TUSC3: variants seen among roughly 807,000 people sequenced by gnomAD.
TUSC3 encodes the protein tumor suppressor candidate 3.
TUSC3 carries 45 observed loss-of-function variants against 44.8 expected under a neutral mutation model. That is an observed-to-expected ratio of 1.00 (90% CI 0.79 to 1.29). The LOEUF (loss-of-function observed/expected upper bound fraction) is 1.29. Among genes scored for constraint, TUSC3 ranks in the 50% most tolerant of loss-of-function variants. The probability of loss-of-function intolerance (pLI) is 0.00; values close to 1 mark genes in which losing one functional copy is unlikely to be tolerated. For synonymous variants in TUSC3, 212 were observed against 152.9 expected, an observed-to-expected ratio of 1.39 and a Z score of -2.85; for missense variants, 519 against 437.9, an observed-to-expected ratio of 1.19 and a Z score of -1.65.
intron 1 of TUSC3, among the ~76,000 whole-genome samples, chr8:15,425,758 A>G (rs537904871): frequency 1.1e-4 from 16 of 152,346 alleles, no homozygotes; most frequent in African/African-American, 3.8e-4. Context: ...TGCACTAGTT[A>G]ACCATCCCTG....
In TUSC3 at chr8:15,726,043, A is replaced by G. The variant is rs1207935163; in HGVS notation, c.799-4623A>G. On this transcript the variant is annotated intron_variant, in intron 6 of 10. Transcript: ENST00000503731. The stretch of plus-strand genomic sequence containing the variant: ...CTTTTGGTCCACCATAGCCATTCTT[A>G]TTTTCGGAACATTACGTGTTTAAAA... Among the ~76,000 whole-genome samples the G allele has an allele frequency of 2.0e-5, 3 of 152,222 alleles. No individual in the cohort carries two copies. In the East Asian group the frequency reaches 5.8e-4, roughly 29 times the overall value.
intron 1 of TUSC3, among the ~76,000 whole-genome samples, chr8:15,602,016 T>C (rs1339713597): frequency 6.6e-5 from 10 of 151,594 alleles, no homozygotes; most frequent in Non-Finnish European, 1.5e-4. Flanking sequence ...AAAAATACGA[T>C]GTCTACCTGA....
the TUSC3 span, chr8:15,806,702 T>C: frequency 1.1e-6 from 1 of 891,410 alleles, no homozygotes; most frequent in Non-Finnish European, 1.8e-6. Context: ...GTAATCAAAA[T>C]CCCCAAGGGC....
chr8:15,443,065 A>G (rs981747627), intron 1 of TUSC3, among the ~76,000 whole-genome samples: 3 of 152,134 alleles, frequency 2.0e-5, no homozygotes, highest in Admixed American at 6.5e-5. Flanking sequence ...TGTTTTTGCT[A>G]TCTTCAGAGT....
intron 6 of TUSC3, among the ~76,000 whole-genome samples, chr8:15,720,912 A>T (rs149172232): frequency 8.7e-4 from 133 of 152,190 alleles, no homozygotes; most frequent in African/African-American, 3.1e-3. Context: ...TTCCCTGGCC[A>T]CCCAGGGTTC....
At chr8:15,593,695 C>G (rs767485763) in intron 1 of TUSC3, among the ~76,000 whole-genome samples, 5 of 152,024 alleles carry the variant, frequency 3.3e-5, no homozygotes, top group Non-Finnish European at 7.4e-5. Flanking sequence ...GTAGTCTTTC[C>G]TCATTTCTAC....
chr8:15,485,540 C>A (rs1251607337), intron 2 of TUSC3, among the ~76,000 whole-genome samples: 1 of 146,272 alleles, frequency 6.8e-6, no homozygotes, highest in Non-Finnish European at 1.5e-5. Flanking sequence ...ATTCTCTGCT[C>A]CTCCTCATTG....
intron 1 of TUSC3, among the ~76,000 whole-genome samples, chr8:15,442,889 A>T (rs1800039076): frequency 6.6e-6 from 1 of 152,014 alleles, no homozygotes; most frequent in African/African-American, 2.4e-5. Flanking sequence ...CCCACCCTTC[A>T]TATCTGATCA....
intron 1 of TUSC3, among the ~76,000 whole-genome samples, chr8:15,602,620 G>T (rs1477307554): frequency 2.0e-5 from 3 of 150,462 alleles, no homozygotes; most frequent in African/African-American, 7.3e-5. Flanking sequence ...GAATGGAGTT[G>T]TAATAGGTGC....
intron 1 of TUSC3, among the ~76,000 whole-genome samples, chr8:15,554,261 T>G (rs928925867): frequency 1.3e-5 from 2 of 151,782 alleles, no homozygotes; most frequent in South Asian, 2.1e-4. Context: ...GATTTAACTT[T>G]CCTAATATTT....
chr8:15,798,226 T>C, the TUSC3 span, among the ~76,000 whole-genome samples: 1 of 151,860 alleles, frequency 6.6e-6, no homozygotes, highest in Non-Finnish European at 1.5e-5. Flanking sequence ...GAACATTGAA[T>C]AGACCCTTAA....
intron 2 of TUSC3, among the ~76,000 whole-genome samples, chr8:15,638,338 A>C (rs551569671): frequency 1.3e-5 from 2 of 152,070 alleles, no homozygotes; most frequent in African/African-American, 4.8e-5. Context: ...TACTGGCATT[A>C]GTAGTTTTGA....
At chr8:15,751,555 C>T (rs761265795) in intron 9 of TUSC3, among the ~76,000 whole-genome samples, 17 of 152,216 alleles carry the variant, frequency 1.1e-4, no homozygotes, top group South Asian at 6.2e-4. Flanking sequence ...AGTATAGGGG[C>T]GTCTGATTTA....
chr8:15,733,225 C>T (rs1385869404), intron 7 of TUSC3, among the ~76,000 whole-genome samples: 1 of 152,208 alleles, frequency 6.6e-6, no homozygotes, highest in South Asian at 2.1e-4. Context: ...TATTTACTCT[C>T]GACTTACTAT....
At chr8:15,428,278 G>A (rs1008373083) in intron 1 of TUSC3, among the ~76,000 whole-genome samples, 1 of 151,838 alleles carries the variant, frequency 6.6e-6, no homozygotes, top group African/African-American at 2.4e-5. Flanking sequence ...CTTCATCGAT[G>A]TCCCTACAAA....
intron 1 of TUSC3, among the ~76,000 whole-genome samples, chr8:15,573,229 T>A (rs1405942706): frequency 1.9e-4 from 23 of 124,100 alleles, no homozygotes; most frequent in Non-Finnish European, 2.8e-4. Context: ...TATATATATA[T>A]AAAAGTTTTT....
chr8:15,678,824 A>C (rs1044116540), intron 6 of TUSC3, among the ~76,000 whole-genome samples: 1 of 152,086 alleles, frequency 6.6e-6, no homozygotes, highest in African/African-American at 2.4e-5. Context: ...GTTCTAATGT[A>C]TATGTTCGTA....
At chr8:15,819,115 G>C in the TUSC3 span, among the ~76,000 whole-genome samples, 4 of 152,148 alleles carry the variant, frequency 2.6e-5, no homozygotes, top group Middle Eastern at 3.4e-3. Context: ...CTTGATTCTA[G>C]TGCTTATTTT....
chr8:15,630,185 A>T (rs1300307938), intron 2 of TUSC3, among the ~76,000 whole-genome samples: 1 of 152,174 alleles, frequency 6.6e-6, no homozygotes, highest in Non-Finnish European at 1.5e-5. Context: ...TAAGAAGAAA[A>T]TTCAGTTGAA....
Sources: gnomAD v4.1 joint callset for allele counts (sites outside exome capture counted in the v4.1 genomes callset) on GRCh38, gnomAD v4.1.1 for gene constraint, MANE v1.5 for transcripts, NCBI Gene and HGNC (gene_info 2026-07-23, HGNC 2026-07-21) for gene names.